Variants in ADGRL2 observed in about 807,000 individuals in gnomAD.
The protein encoded by ADGRL2 is calcium-independent alpha-latrotoxin receptor 2.
Under a neutral mutation model 157.4 loss-of-function variants are expected in ADGRL2, and 44 were observed. That is an observed-to-expected ratio of 0.28 (90% CI 0.22 to 0.36). ADGRL2 has a LOEUF of 0.36. Ranked by LOEUF, ADGRL2 falls within the 10% of genes least tolerant of loss-of-function variation. The pLI is 1.00. For synonymous variants in ADGRL2, 585 were observed against 624.7 expected (o/e 0.94, Z 0.95); for missense variants, 1,510 against 1,768.9 (o/e 0.85, Z 2.63).
intron 3 of ADGRL2, among the ~76,000 whole-genome samples, chr1:81,915,223 A>C (rs956993301): frequency 6.6e-6 from 1 of 152,058 alleles, no homozygotes; most frequent in South Asian, 2.1e-4. Flanking sequence ...CTACAGGTGC[A>C]TGCCACCACA....
At chr1:81,331,770 A>G (rs906081802) in intron 1 of ADGRL2, among the ~76,000 whole-genome samples, 3 of 152,182 alleles carry the variant, frequency 2.0e-5, no homozygotes, top group Admixed American at 6.5e-5. Flanking sequence ...TATTTTTAAC[A>G]GTTAAAACTG....
intron 2 of ADGRL2, among the ~76,000 whole-genome samples, chr1:81,475,749 GA>G (rs1187427550): frequency 7.9e-5 from 12 of 152,168 alleles, no homozygotes; most frequent in African/African-American, 2.6e-4. Context: ...GTAGATGACA[GA>G]AAAGACACAA....
chr1:81,925,521 T>C (rs958856794), intron 3 of ADGRL2, among the ~76,000 whole-genome samples: 1 of 151,652 alleles, frequency 6.6e-6, no homozygotes, highest in Non-Finnish European at 1.5e-5. Flanking sequence ...ATAATTCGTT[T>C]TGTGTAATGA....
At chr1:81,769,570 A>G (rs1341164644) in intron 2 of ADGRL2, among the ~76,000 whole-genome samples, 1 of 151,606 alleles carries the variant, frequency 6.6e-6, no homozygotes, top group Non-Finnish European at 1.5e-5. Context: ...CCAATATTAT[A>G]CTGCCTAAAT....
At chr1:81,618,038 A>G (rs2081701154) in intron 3 of ADGRL2, among the ~76,000 whole-genome samples, 1 of 151,406 alleles carries the variant, frequency 6.6e-6, no homozygotes, top group Non-Finnish European at 1.5e-5. Flanking sequence ...ATAACAAAAA[A>G]CTTTATTGTT....
At chr1:81,594,407 A>T (rs987348686) in intron 3 of ADGRL2, among the ~76,000 whole-genome samples, 1 of 152,358 alleles carries the variant, frequency 6.6e-6, no homozygotes, top group Admixed American at 6.5e-5. Flanking sequence ...AAGAAAATGC[A>T]TGCCAATGCT....
chr1:81,867,963 C>T (rs932819906), intron 2 of ADGRL2, among the ~76,000 whole-genome samples: 10 of 151,942 alleles, frequency 6.6e-5, no homozygotes, highest in African/African-American at 1.9e-4. Flanking sequence ...GGGCAACCCT[C>T]CCAGATAAAT....
At chr1:81,853,260 T>A (rs1176455328) in intron 2 of ADGRL2, among the ~76,000 whole-genome samples, 25 of 152,168 alleles carry the variant, frequency 1.6e-4, no homozygotes, top group Admixed American at 1.6e-3. Flanking sequence ...GGAATAGTTT[T>A]ATTTGCTAAT....
At chr1:81,746,943 C>CACGTATACACACGT (rs2085275636) in intron 1 of ADGRL2, among the ~76,000 whole-genome samples, 1 of 145,476 alleles carries the variant, frequency 6.9e-6, no homozygotes, top group African/African-American at 2.6e-5. Context: ...CACGTATACA[C>CACGTATACACACGT]ATGTATGTAT....
chr1:81,747,102 C>T (rs1264752264), intron 1 of ADGRL2, among the ~76,000 whole-genome samples: 2 of 136,038 alleles, frequency 1.5e-5, no homozygotes, highest in African/African-American at 2.7e-5. Flanking sequence ...GTAATATATA[C>T]ATATATGTGT....
chr1:81,513,497 T>C (rs4650562), intron 2 of ADGRL2, among the ~76,000 whole-genome samples: 23,870 of 152,172 alleles, frequency 0.16, 2,007 homozygotes, highest in South Asian at 0.2. Context: ...AAACAGTATA[T>C]TTTATTAATT....
At chr1:81,850,478 G>A (rs1466420337) in intron 2 of ADGRL2, among the ~76,000 whole-genome samples, 1 of 151,896 alleles carries the variant, frequency 6.6e-6, no homozygotes, top group Admixed American at 6.6e-5. Context: ...AAGGCATGGT[G>A]TGAAGTTCAC....
intron 1 of ADGRL2, among the ~76,000 whole-genome samples, chr1:81,427,848 G>A (rs2077246804): frequency 6.6e-6 from 1 of 152,190 alleles, no homozygotes; most frequent in Admixed American, 6.5e-5. Context: ...ATGCGATGTA[G>A]TGTCAATTAC....
intron 2 of ADGRL2, among the ~76,000 whole-genome samples, chr1:81,477,074 T>G (rs183681789): frequency 1.2e-3 from 180 of 152,306 alleles, no homozygotes; most frequent in Non-Finnish European, 1.7e-3. Context: ...TTCGTTCTGT[T>G]CCTCAGATTG....
intron 1 of ADGRL2, among the ~76,000 whole-genome samples, chr1:81,401,724 T>C (rs2076759344): frequency 6.6e-6 from 1 of 152,148 alleles, no homozygotes; most frequent in African/African-American, 2.4e-5. Context: ...TAGTTGTCCC[T>C]GAAGTCACTA....
chr1:81,518,988 C>T (rs543715380), intron 2 of ADGRL2, among the ~76,000 whole-genome samples: 2 of 152,124 alleles, frequency 1.3e-5, no homozygotes, highest in East Asian at 1.9e-4. Context: ...TAGCTTTTTA[C>T]GATTTCCAAA....
chr1:81,882,786 G>C (rs1160602461), intron 2 of ADGRL2, among the ~76,000 whole-genome samples: 1 of 152,144 alleles, frequency 6.6e-6, no homozygotes, highest in Non-Finnish European at 1.5e-5. Context: ...AGTTGAGAAA[G>C]GCTATGCAAT....
chr1:81,983,733 T>C (rs1342923220), intron 19 of ADGRL2, among the ~76,000 whole-genome samples: 3 of 152,080 alleles, frequency 2.0e-5, no homozygotes, highest in Non-Finnish European at 4.4e-5. Flanking sequence ...TCCCTCTTAA[T>C]TCTGTACCAC....
At chr1:81,913,451 C>T (rs1264512255) in intron 3 of ADGRL2, among the ~76,000 whole-genome samples, 1 of 152,152 alleles carries the variant, frequency 6.6e-6, no homozygotes, top group Non-Finnish European at 1.5e-5. Flanking sequence ...ATGCCTTAGT[C>T]TGGAATAAGC....
Sources: gnomAD v4.1 joint callset for allele counts (sites outside exome capture counted in the v4.1 genomes callset) on GRCh38, gnomAD v4.1.1 for gene constraint, MANE v1.5 for transcripts, NCBI Gene and HGNC (gene_info 2026-07-23, HGNC 2026-07-21) for gene names.